SRGAP2: variants seen among roughly 807,000 people sequenced by gnomAD.
SRGAP2 encodes the protein SLIT-ROBO Rho GTPase activating protein 2.
In SRGAP2, 15 loss-of-function variants were observed where a neutral mutation model predicts 57.2. The ratio of observed to expected loss-of-function variants is 0.26; its 90% confidence interval spans 0.18 to 0.40. SRGAP2 has a LOEUF of 0.40. SRGAP2 is among the 10% of genes least tolerant of loss of function. The pLI is 1.00. For missense variants in SRGAP2, 520 were observed against 669.6 expected (o/e 0.78, Z 2.47); for synonymous variants, 249 against 248.0 (o/e 1.00, Z -0.04).
chr1:206,343,487 GTT>G (rs1216455663), intron 4 of SRGAP2, among the ~76,000 whole-genome samples: 9 of 138,296 alleles, frequency 6.5e-5, no homozygotes, highest in Non-Finnish European at 1.2e-4. Flanking sequence ...GTCATTTTAT[GTT>G]TTCCTATTCT....
intron 2 of SRGAP2, chr1:206,207,652 A>G (rs1571564108): frequency 7.7e-6 from 1 of 129,436 alleles, no homozygotes; most frequent in Admixed American, 7.7e-5. Context: ...AACACATCCT[A>G]TTCTTAAACT....
chr1:206,231,241 A>C (rs1259712007), intron 2 of SRGAP2, among the ~76,000 whole-genome samples: 1 of 152,124 alleles, frequency 6.6e-6, no homozygotes, highest in Non-Finnish European at 1.5e-5. Context: ...CTGAAGGTGG[A>C]TAGGCTGAAG....
intron 2 of SRGAP2, among the ~76,000 whole-genome samples, chr1:206,273,777 G>A (rs1190530867): frequency 6.8e-6 from 1 of 146,858 alleles, no homozygotes; most frequent in African/African-American, 2.7e-5. Flanking sequence ...AAATCCGTCT[G>A]TGGGTGGTCA....
chr1:206,340,250 G>T (rs1675080807), intron 3 of SRGAP2, among the ~76,000 whole-genome samples: 1 of 101,924 alleles, frequency 9.8e-6, no homozygotes, highest in Admixed American at 9.2e-5. Flanking sequence ...GTGTTAGGTT[G>T]ATTTTGCCTC....
chr1:206,376,645 GA>G (rs1655231065), intron 4 of SRGAP2, among the ~76,000 whole-genome samples: 1 of 145,138 alleles, frequency 6.9e-6, no homozygotes, highest in Non-Finnish European at 1.5e-5. Context: ...CTATTTTACA[GA>G]TGTGGAAGCT....
chr1:206,428,161 A>C (rs143103703), intron 13 of SRGAP2, among the ~76,000 whole-genome samples: 1,911 of 152,274 alleles, frequency 0.013, 24 homozygotes, highest in South Asian at 0.027. Context: ...TCACGCCTGT[A>C]ATCGCAGCAC....
chr1:206,414,064 C>G (rs1450262458), intron 10 of SRGAP2, among the ~76,000 whole-genome samples: 1 of 140,600 alleles, frequency 7.1e-6, no homozygotes, highest in Admixed American at 7.3e-5. Flanking sequence ...CAGAGTCTTG[C>G]TCTGTCGCTC....
chr1:206,452,418 CAT>C (rs1553376278), intron 19 of SRGAP2, among the ~76,000 whole-genome samples: 1 of 151,822 alleles, frequency 6.6e-6, no homozygotes, highest in Admixed American at 6.6e-5. Flanking sequence ...GAATGGATAA[CAT>C]AAAATATTTA....
At chr1:206,314,598 A>AT (rs1672928214) in intron 3 of SRGAP2, among the ~76,000 whole-genome samples, 1 of 152,088 alleles carries the variant, frequency 6.6e-6, no homozygotes, top group African/African-American at 2.4e-5. Context: ...GGCTAAAGAG[A>AT]TTTTTTGGCT....
At chr1:206,269,161 T>C (rs1670056449) in intron 2 of SRGAP2, among the ~76,000 whole-genome samples, 1 of 148,356 alleles carries the variant, frequency 6.7e-6, no homozygotes, top group African/African-American at 2.6e-5. Flanking sequence ...TGAATATGAA[T>C]TTTACAAAAC....
intron 22 of SRGAP2, among the ~76,000 whole-genome samples, chr1:206,459,510 G>A (rs531309506): frequency 1.2e-4 from 18 of 152,296 alleles, no homozygotes; most frequent in African/African-American, 4.3e-4. Context: ...CTATGGAGAT[G>A]AGCTCCCTGG....
At chr1:206,249,092 A>G (rs1668677976) in intron 2 of SRGAP2, among the ~76,000 whole-genome samples, 1 of 152,190 alleles carries the variant, frequency 6.6e-6, no homozygotes, top group African/African-American at 2.4e-5. Context: ...CACTGGGCTC[A>G]TGGTGTTTCC....
In SRGAP2 at chr1:206,393,589, C is replaced by T. The variant is rs373136191; in HGVS notation, c.747C>T (p.Ala249=). ...AGAATAAGCTGAAGGCCATCAAAGC[C>T]CGGAATGAGTACTTGCTGGCTTTGG... ...YTENKLKAIK[A]RNEYLLALEA... is the part of the protein sequence containing the mutation. The change falls in exon 7 of 23, where the codon GCC becomes GCT. Residue 249 remains alanine, a synonymous_variant. Transcript: ENST00000573034. 3.5e-4 allele frequency: 276 copies of T among 778,000 alleles called. No homozygotes were observed. The highest frequency in any genetic ancestry group is 5.3e-4 in the Non-Finnish European group (223 of 417,052). The allele number at this position is 778,000 out of a possible 1,614,324, so 48.2% of individuals were successfully genotyped here. A position where few individuals can be genotyped will look rare whatever the true frequency, so the allele number is the denominator to read the frequency against.
At chr1:206,450,914 C>CAAGAATT (rs1663222300) in intron 19 of SRGAP2, among the ~76,000 whole-genome samples, 1 of 150,832 alleles carries the variant, frequency 6.6e-6, no homozygotes, top group Non-Finnish European at 1.5e-5. Flanking sequence ...GAATTCAAGA[C>CAAGAATT]CAGCCTAGGC....
chr1:206,430,068 C>A, intron 13 of SRGAP2, 94 bp from the exon 14 acceptor site: 1 of 757,622 alleles, frequency 1.3e-6, no homozygotes, highest in Non-Finnish European at 2.5e-6. Context: ...TGGTGATCCG[C>A]TAAGACAGTT....
chr1:206,333,334 A>T (rs1674522178), intron 3 of SRGAP2: 1 of 1,199,014 alleles, frequency 8.3e-7, no homozygotes, highest in East Asian at 2.4e-5. Flanking sequence ...ATTTATTTTG[A>T]GCCAGGGCTT....
At chr1:206,237,334 T>C (rs1667974223) in intron 2 of SRGAP2, among the ~76,000 whole-genome samples, 1 of 152,160 alleles carries the variant, frequency 6.6e-6, no homozygotes, top group Admixed American at 6.5e-5. Flanking sequence ...CACAAATCTT[T>C]TTATGTGGGC....
chr1:206,438,974 G>A (rs1553370981), intron 16 of SRGAP2, among the ~76,000 whole-genome samples: 5 of 152,190 alleles, frequency 3.3e-5, no homozygotes, highest in African/African-American at 4.8e-5. Context: ...GTTGACTTCT[G>A]TTTGTGGGAG....
Position 206,421,290 on chromosome 1 carries a change from GGGCCAGGCTGGTCT to G in SRGAP2, c.1494+21_1494+34del. 1 of 776,976 alleles carries G rather than the reference GGGCCAGGCTGGTCT, an allele frequency of 1.3e-6. No homozygotes were observed. The highest frequency in any genetic ancestry group is 2.4e-6 in the Non-Finnish European group (1 of 416,416). The allele number at this position is 776,976 out of a possible 1,614,324, so 48.1% of individuals were successfully genotyped here. Reference sequence around the variant, plus strand: ...GAGGAAACAGGTAAGGGCCCAAGCGGGGCCAGGCTGGTCTGGCCTGAAAATATAGTCCATCCCAC... The same window carrying G: ...GAGGAAACAGGTAAGGGCCCAAGCGGGGCCTGAAAATATAGTCCATCCCAC... On this transcript the variant is annotated intron_variant, in intron 13 of 22. Coordinates refer to ENST00000573034, the MANE Select transcript of SRGAP2 (RefSeq NM_015326.5).
Sources: allele counts gnomAD v4.1 joint callset (sites outside exome capture counted in the v4.1 genomes callset), GRCh38; gene constraint gnomAD v4.1.1; transcripts MANE v1.5; gene names NCBI Gene and HGNC (gene_info 2026-07-23, HGNC 2026-07-21).